Variants in RELN observed in about 807,000 individuals in gnomAD.
RELN encodes reelin.
A neutral mutation model predicts 427.6 loss-of-function variants in RELN; 108 were observed. That is an observed-to-expected ratio of 0.25 (90% CI 0.22 to 0.30). The LOEUF (loss-of-function observed/expected upper bound fraction) is 0.30. Among genes scored for constraint, RELN ranks in the 10% least tolerant of loss-of-function variants. The pLI, the probability that RELN is intolerant of heterozygous loss-of-function variation, is 1.00. For missense variants in RELN, 3,715 were observed against 4,302.8 expected (o/e 0.86, Z 3.82); for synonymous variants, 1,524 against 1,513.4 (o/e 1.01, Z -0.16).
At chr7:103,568,231 A>G (rs1400186936) in intron 31 of RELN, among the ~76,000 whole-genome samples, 1 of 152,254 alleles carries the variant, frequency 6.6e-6, no homozygotes, top group East Asian at 1.9e-4. Flanking sequence ...ATATTACAAT[A>G]AAGTGTAGTG....
At chr7:103,638,362 T>C (rs1400806511) in intron 17 of RELN, among the ~76,000 whole-genome samples, 1 of 152,180 alleles carries the variant, frequency 6.6e-6, no homozygotes, top group African/African-American at 2.4e-5. Flanking sequence ...TGTGTCCATT[T>C]AGAGAACCAG....
At chr7:103,723,261 G>T in intron 7 of RELN, 70 bp from the exon 8 acceptor site, 1 of 886,922 alleles carries the variant, frequency 1.1e-6, no homozygotes, top group East Asian at 2.5e-5. Context: ...TGCTGGGAGG[G>T]GTACGGGGAG....
intron 1 of RELN, among the ~76,000 whole-genome samples, chr7:103,927,335 A>G (rs997335656): frequency 1.3e-5 from 2 of 152,214 alleles, no homozygotes; most frequent in Non-Finnish European, 2.9e-5. Flanking sequence ...TCCACATTTC[A>G]AAATCCAATT....
At chr7:103,559,970 A>T (rs1830607134) in intron 36 of RELN, among the ~76,000 whole-genome samples, 1 of 152,156 alleles carries the variant, frequency 6.6e-6, no homozygotes, top group Non-Finnish European at 1.5e-5. Context: ...TCATAAAGGG[A>T]CCTATTTTAC....
At chr7:103,785,253 G>C (rs1791988021) in intron 3 of RELN, among the ~76,000 whole-genome samples, 1 of 152,082 alleles carries the variant, frequency 6.6e-6, no homozygotes. Flanking sequence ...AGGCTCTGCT[G>C]TTTTAAACAC....
chr7:103,692,991 C>T (rs940381666), intron 10 of RELN, among the ~76,000 whole-genome samples: 1 of 152,042 alleles, frequency 6.6e-6, no homozygotes, highest in Admixed American at 6.6e-5. Flanking sequence ...GTGAGATTTT[C>T]TGAGTTGGTT....
At chr7:103,675,928 A>G (rs937503529) in intron 11 of RELN, among the ~76,000 whole-genome samples, 1 of 152,176 alleles carries the variant, frequency 6.6e-6, no homozygotes, top group Non-Finnish European at 1.5e-5. Flanking sequence ...CTAAAACCAT[A>G]AATACCCTAG....
At chr7:103,755,596 A>T (rs1791119711) in intron 4 of RELN, among the ~76,000 whole-genome samples, 1 of 144,002 alleles carries the variant, frequency 6.9e-6, no homozygotes, top group Non-Finnish European at 1.5e-5. Context: ...GGACAGAGCG[A>T]GACTCTGTCT....
chr7:103,526,775 G>A (rs1328928246), intron 46 of RELN, among the ~76,000 whole-genome samples: 1 of 152,064 alleles, frequency 6.6e-6, no homozygotes, highest in Non-Finnish European at 1.5e-5. Flanking sequence ...CCTCACAAGG[G>A]TGTTGTGAAA....
chr7:103,483,873 C>A, intron 61 of RELN, 23 bp from the exon 62 acceptor site: 2 of 1,608,080 alleles, frequency 1.2e-6, no homozygotes, highest in Non-Finnish European at 1.7e-6. Context: ...GGGAAATCAT[C>A]TTTATTTTTA....
intron 2 of RELN, among the ~76,000 whole-genome samples, chr7:103,860,701 G>A (rs190513377): frequency 2.0e-5 from 3 of 151,978 alleles, no homozygotes; most frequent in Non-Finnish European, 2.9e-5. Flanking sequence ...ATGAGCCACC[G>A]CACCCGGCCC....
At chr7:103,923,715 C>T (rs1795665048) in intron 1 of RELN, among the ~76,000 whole-genome samples, 2 of 152,232 alleles carry the variant, frequency 1.3e-5, no homozygotes, top group South Asian at 2.1e-4. Flanking sequence ...GGCTGCCCAC[C>T]TAGTATAGTC....
At chr7:103,737,168 T>C (rs1052772502) in intron 6 of RELN, among the ~76,000 whole-genome samples, 3 of 152,190 alleles carry the variant, frequency 2.0e-5, no homozygotes, top group Non-Finnish European at 4.4e-5. Flanking sequence ...GGCAAGGGTA[T>C]GTCATCAGAG....
rs564839933 is a variant in RELN at position 103,877,091 on chromosome 7, G to A, written c.337+39984C>T. ...TATCTCTTACCTGTCTCTTCTCAGG[G>A]CTGTTTGCAAATTCCTGTTCTGTCT... On this transcript the variant is annotated intron_variant, in intron 2 of 64. Coordinates refer to ENST00000428762, the MANE Select transcript of RELN (RefSeq NM_005045.4). 7.2e-5 allele frequency among the ~76,000 whole-genome samples: 11 copies of A among 151,982 alleles called. No individual in the cohort carries two copies. In the East Asian group the frequency reaches 2.1e-3, roughly 29 times the overall value.
At chr7:103,961,086 C>CT (rs1796543327) in intron 1 of RELN, among the ~76,000 whole-genome samples, 1 of 152,200 alleles carries the variant, frequency 6.6e-6, no homozygotes, top group Non-Finnish European at 1.5e-5. Context: ...AAATATAAAA[C>CT]GTTGCTTGTG....
intron 3 of RELN, among the ~76,000 whole-genome samples, chr7:103,783,114 T>C (rs965110494): frequency 9.9e-5 from 15 of 151,950 alleles, no homozygotes; most frequent in African/African-American, 3.6e-4. Flanking sequence ...CCTTTAAAAT[T>C]CTTATCCCTT....
chr7:103,900,714 C>T (rs1795065093), intron 2 of RELN, among the ~76,000 whole-genome samples: 1 of 152,178 alleles, frequency 6.6e-6, no homozygotes, highest in South Asian at 2.1e-4. Flanking sequence ...TGATCTTTGA[C>T]GAACCTGACA....
chr7:103,484,472 G>A (rs147345650), intron 61 of RELN: 2,218 of 157,914 alleles, frequency 0.014, 48 homozygotes, highest in African/African-American at 0.05. Flanking sequence ...CTAGCTAGCC[G>A]GATCAGCTGA....
intron 64 of RELN, among the ~76,000 whole-genome samples, chr7:103,477,766 A>G (rs1828086863): frequency 6.6e-6 from 1 of 152,200 alleles, no homozygotes; most frequent in African/African-American, 2.4e-5. Context: ...AATTATAACC[A>G]TTTTGCCTTC....
Sources: allele counts gnomAD v4.1 joint callset (sites outside exome capture counted in the v4.1 genomes callset), GRCh38; gene constraint gnomAD v4.1.1; transcripts MANE v1.5; gene names NCBI Gene and HGNC (gene_info 2026-07-23, HGNC 2026-07-21).